Variants in PPP2R5E observed in about 807,000 individuals in gnomAD.
PPP2R5E encodes serine/threonine-protein phosphatase 2A 56 kDa regulatory subunit epsilon isoform.
In PPP2R5E, 4 loss-of-function variants were observed where a neutral mutation model predicts 65.3. The observed-to-expected ratio is 0.06, with a 90% CI of 0.03 to 0.14. PPP2R5E has a LOEUF of 0.14. Among genes scored for constraint, PPP2R5E ranks in the 10% least tolerant of loss-of-function variants. The pLI is 1.00. For missense variants in PPP2R5E, 274 were observed against 556.1 expected (o/e 0.49, Z 5.10); for synonymous variants, 183 against 187.4 (o/e 0.98, Z 0.19).
intron 7 of PPP2R5E, among the ~76,000 whole-genome samples, 196 bp from the exon 8 acceptor site, chr14:63,394,124 C>T (rs1171352885): frequency 7.0e-6 from 1 of 143,000 alleles, no homozygotes; most frequent in Non-Finnish European, 1.5e-5. Flanking sequence ...CTCTATTGCC[C>T]AGGCTGGAGT....
intron 3 of PPP2R5E, among the ~76,000 whole-genome samples, chr14:63,441,497 A>C (rs1888233834): frequency 6.6e-6 from 1 of 152,250 alleles, no homozygotes; most frequent in Non-Finnish European, 1.5e-5. Flanking sequence ...GTACTCTCCA[A>C]GTGAGCAGCA....
intron 5 of PPP2R5E, among the ~76,000 whole-genome samples, chr14:63,408,760 T>C (rs1485998466): frequency 2.0e-5 from 3 of 152,230 alleles, no homozygotes; most frequent in Non-Finnish European, 2.9e-5. Flanking sequence ...TCAACTTTCA[T>C]ATATATTTTT....
chr14:63,409,310 G>A (rs1886266310), intron 5 of PPP2R5E, among the ~76,000 whole-genome samples: 1 of 152,056 alleles, frequency 6.6e-6, no homozygotes, highest in East Asian at 1.9e-4. Context: ...AGGTGGCTGA[G>A]GCATGAAAAT....
intron 2 of PPP2R5E, among the ~76,000 whole-genome samples, chr14:63,469,530 A>C (rs1018147533): frequency 2.0e-5 from 3 of 152,040 alleles, no homozygotes; most frequent in Non-Finnish European, 4.4e-5. Flanking sequence ...ATCTCTACTA[A>C]AAAAATACAA....
rs1884532369 is a variant in PPP2R5E at position 63,384,317 on chromosome 14, A to G, written c.1202+127T>C. The G allele has an allele frequency of 8.1e-6, 9 of 1,110,546 alleles. No individual in the cohort carries two copies. The South Asian group carries it at 1.1e-4, about 13-fold the overall frequency. 68.8% of individuals were successfully genotyped at this position (1,110,546 alleles called of 1,614,324 possible). On this transcript the variant is annotated intron_variant, in intron 12 of 13. Transcript: ENST00000337537. ...TTTCTCCAGTCAGTGAATCCCCAGA[A>G]GGTAAGGATTTTATCTTTTCACATA...
At chr14:63,519,633 CATGAGCCACCGTGCCTGGCCTAAG>C in intron 2 of PPP2R5E, among the ~76,000 whole-genome samples, 1 of 148,228 alleles carries the variant, frequency 6.7e-6, no homozygotes, top group Middle Eastern at 3.9e-3. Context: ...GGATGACAGG[CATGAGCCACCGTGCCTGGCCTAAG>C]GACAAACTCT....
chr14:63,389,816 T>C (rs1235301832), intron 10 of PPP2R5E, 85 bp from the exon 11 acceptor site: 1 of 1,346,932 alleles, frequency 7.4e-7, no homozygotes. Context: ...AGAGTTTGGA[T>C]TATTTTAAGA....
intron 2 of PPP2R5E, among the ~76,000 whole-genome samples, chr14:63,499,465 C>G (rs1002085333): frequency 2.0e-5 from 3 of 152,192 alleles, no homozygotes; most frequent in Non-Finnish European, 4.4e-5. Flanking sequence ...GGGCTCACAC[C>G]TGTAATCCCA....
chr14:63,482,714 A>G (rs973982951), intron 2 of PPP2R5E, among the ~76,000 whole-genome samples: 3 of 152,222 alleles, frequency 2.0e-5, no homozygotes, highest in Admixed American at 2.0e-4. Context: ...AAAAATCTTA[A>G]AAAGTGTTTA....
Position 63,428,998 on chromosome 14 carries a change from C to CA in PPP2R5E, c.355-6905dup, listed in dbSNP as rs923467926. ...CTCATTAAATATCTGCCAATATTAACAAAAAAATACACACGAAAGATAAGG... is the reference window on the plus strand; with the variant it reads ...CTCATTAAATATCTGCCAATATTAACAAAAAAAATACACACGAAAGATAAGG... On this transcript the variant is annotated intron_variant, in intron 3 of 13. Transcript: ENST00000337537. Among the ~76,000 whole-genome samples, 33 of 152,062 alleles carry CA rather than the reference C, an allele frequency of 2.2e-4. 1 individual carries two copies. The highest frequency in any genetic ancestry group is 7.5e-4 in the African/African-American group (31 of 41,480).
chr14:63,464,966 C>T (rs1033153650), intron 2 of PPP2R5E, among the ~76,000 whole-genome samples: 2 of 149,438 alleles, frequency 1.3e-5, no homozygotes, highest in African/African-American at 4.9e-5. Flanking sequence ...GAGGTTGCAA[C>T]GAGCCGAAAT....
At chr14:63,470,067 T>TC (rs1424394091) in intron 2 of PPP2R5E, among the ~76,000 whole-genome samples, 1 of 127,922 alleles carries the variant, frequency 7.8e-6, no homozygotes, top group African/African-American at 4.1e-5. Flanking sequence ...ATCTCCTACC[T>TC]CCCCACACCC....
intron 2 of PPP2R5E, among the ~76,000 whole-genome samples, chr14:63,533,441 A>C (rs1398154555): frequency 1.3e-5 from 2 of 151,982 alleles, no homozygotes; most frequent in African/African-American, 4.8e-5. Context: ...CATGCCTGTA[A>C]TCCCAGCTAC....
chr14:63,420,338 T>C (rs1886935461), intron 4 of PPP2R5E, among the ~76,000 whole-genome samples: 3 of 152,180 alleles, frequency 2.0e-5, no homozygotes, highest in Admixed American at 1.3e-4. Flanking sequence ...AATTCACCCA[T>C]TCAAAAAAGT....
chr14:63,376,105 C>G lies in PPP2R5E; in HGVS notation c.1308G>C (p.Glu436Asp). ...TATYKSDRQR[E>D]KKKEKEREEL... ...CTTCACGCTCCTTTTCTTTCTTTTTCTCACTGAGGAAGAAACAGAATACAA... is the reference window on the plus strand; with the variant it reads ...CTTCACGCTCCTTTTCTTTCTTTTTGTCACTGAGGAAGAAACAGAATACAA... The change falls in exon 14 of 14, where the codon GAG becomes GAC. Residue 436 changes from glutamate (E) to aspartate (D), a missense_variant. Around this residue, in one of 6 missense-constraint regions of PPP2R5E, gnomAD observed 129 missense variants for 254.9 expected, o/e 0.51. Transcript: ENST00000337537. 6.3e-7 allele frequency: 1 copy of G among 1,590,608 alleles called. No homozygotes were observed. Among genetic ancestry groups the G allele is most frequent in the Non-Finnish European group, 8.6e-7 (1 of 1,159,154 alleles).
intron 2 of PPP2R5E, among the ~76,000 whole-genome samples, chr14:63,482,589 C>T (rs936268078): frequency 3.3e-5 from 5 of 151,984 alleles, no homozygotes; most frequent in East Asian, 1.9e-4. Flanking sequence ...GTTTGGTTTA[C>T]GCAAGAAAGG....
chr14:63,467,228 AAACAAACAAACAAAC>A (rs1463836188), intron 2 of PPP2R5E, among the ~76,000 whole-genome samples: 2 of 138,304 alleles, frequency 1.4e-5, no homozygotes, highest in Middle Eastern at 3.6e-3. Flanking sequence ...GTCTCAAAAA[AAACAAACAAACAAAC>A]AAAAAAAACA....
chr14:63,382,910 A>C (rs1299034681), intron 12 of PPP2R5E, among the ~76,000 whole-genome samples: 3 of 147,414 alleles, frequency 2.0e-5, no homozygotes, highest in Non-Finnish European at 4.4e-5. Flanking sequence ...CCCTAGAAAC[A>C]AATGTTATAT....
chr14:63,510,204 A>C (rs1206041861), intron 2 of PPP2R5E, among the ~76,000 whole-genome samples: 1 of 152,202 alleles, frequency 6.6e-6, no homozygotes, highest in African/African-American at 2.4e-5. Flanking sequence ...GAATAGGAGA[A>C]AACCAGCTGC....
Sources: allele counts gnomAD v4.1 joint callset (sites outside exome capture counted in the v4.1 genomes callset), GRCh38; gene constraint gnomAD v4.1.1; regional missense constraint gnomAD v4.1.1; transcripts MANE v1.5; gene names NCBI Gene and HGNC (gene_info 2026-07-23, HGNC 2026-07-21).